Variants in THSD4 observed in about 807,000 individuals in gnomAD.
The protein encoded by THSD4 is thrombospondin type 1 domain containing 4, also known as thrombospondin type-1 domain-containing protein 4.
Under a neutral mutation model 119.0 loss-of-function variants are expected in THSD4, and 69 were observed. The ratio of observed to expected loss-of-function variants is 0.58; its 90% CI spans 0.48 to 0.71. The LOEUF (loss-of-function observed/expected upper bound fraction) is 0.71, where lower values mean the gene tolerates loss of function less well. Among genes scored for constraint, THSD4 ranks in the 30% least tolerant of loss-of-function variants. THSD4 has a pLI of 0.00. For synonymous variants in THSD4, 524 were observed against 540.4 expected, an observed-to-expected ratio of 0.97 and a Z score of 0.42; for missense variants, 1,393 against 1,391.1, an observed-to-expected ratio of 1.00 and a Z score of -0.02.
chr15:71,729,756 G>C (rs572325889), intron 9 of THSD4: 4 of 152,172 alleles, frequency 2.6e-5, no homozygotes, highest in Non-Finnish European at 4.4e-5. Flanking sequence ...TCATAAACGG[G>C]ACAAGGTTTT....
At position 71,777,324 on chromosome 15, in the gene THSD4, T is replaced by G. The variant is rs373778471; in HGVS notation, c.3007T>G (p.Ser1003Ala). The change falls in exon 18 of 18, where the codon TCC (serine) becomes GCC (alanine). Residue 1003 changes from serine to alanine, a missense_variant. Coordinates refer to ENST00000261862, the MANE Select transcript of THSD4 (RefSeq NM_024817.3). ...YNYYKTACCA[S>A]CTRVANRQTG... Reference sequence around the variant, plus strand: ...CTACTACAAGACCGCCTGCTGTGCCTCCTGCACCCGTGTGGCCAACAGGCA... The same window carrying G: ...CTACTACAAGACCGCCTGCTGTGCCGCCTGCACCCGTGTGGCCAACAGGCA... The G allele has an allele frequency of 3.1e-6, 5 of 1,614,108 alleles. No homozygotes were observed. Among genetic ancestry groups the G allele is most frequent in the Non-Finnish European group, 4.2e-6 (5 of 1,180,044 alleles).
chr15:71,380,628 T>C (rs543992131), intron 6 of THSD4, among the ~76,000 whole-genome samples: 1 of 152,202 alleles, frequency 6.6e-6, no homozygotes, highest in African/African-American at 2.4e-5. Context: ...AGTTCAATAA[T>C]AGCTGAGTCT....
At chr15:71,609,787 G>C (rs976140108) in intron 7 of THSD4, among the ~76,000 whole-genome samples, 1 of 148,836 alleles carries the variant, frequency 6.7e-6, no homozygotes, top group African/African-American at 2.5e-5. Context: ...AGGAGGCAGA[G>C]CTTGCAGTGA....
chr15:71,389,828 GAC>G (rs1491350275), intron 6 of THSD4, among the ~76,000 whole-genome samples: 1 of 8,866 alleles, frequency 1.1e-4, no homozygotes, highest in Admixed American at 8.8e-4. Flanking sequence ...TTTTTTTTTT[GAC>G]ACAGAGTCTC....
intron 6 of THSD4, among the ~76,000 whole-genome samples, chr15:71,350,186 T>G (rs964482760): frequency 1.4e-5 from 2 of 146,308 alleles, no homozygotes; most frequent in Non-Finnish European, 3.0e-5. Flanking sequence ...AAAAACAAGG[T>G]GGGATATATT....
At chr15:71,211,627 G>A (rs1195761502) in intron 3 of THSD4, among the ~76,000 whole-genome samples, 1 of 152,158 alleles carries the variant, frequency 6.6e-6, no homozygotes, top group Non-Finnish European at 1.5e-5. Flanking sequence ...ATATATGAAT[G>A]GTGGGGAGGG....
At chr15:71,588,526 T>C (rs930416027) in intron 7 of THSD4, among the ~76,000 whole-genome samples, 2 of 152,144 alleles carry the variant, frequency 1.3e-5, no homozygotes, top group Middle Eastern at 3.4e-3. Context: ...TAAGCTCAGG[T>C]GATCCTCCTG....
At chr15:71,373,687 A>G (rs935805086) in intron 6 of THSD4, among the ~76,000 whole-genome samples, 3 of 152,118 alleles carry the variant, frequency 2.0e-5, no homozygotes, top group African/African-American at 7.2e-5. Context: ...CTCCTGTCCA[A>G]ATTGCCTCTC....
At position 71,725,762 on chromosome 15, in the gene THSD4, T is replaced by C. The variant is rs904842257; in HGVS notation, c.1358-2787T>C. ...AGCCAGATTGGAGATGGTTGAGGAA[T>C]TAGTGGGAAGTGAGAAAATGGTAGA... On this transcript the variant is annotated intron_variant, in intron 8 of 17. Coordinates refer to ENST00000261862, the MANE Select transcript of THSD4 (RefSeq NM_024817.3). Among the ~76,000 whole-genome samples the C allele has an allele frequency of 2.0e-5, 3 of 152,202 alleles. No individual in the cohort carries two copies. In the South Asian group the frequency reaches 6.2e-4, roughly 32 times the overall value.
chr15:71,130,149 T>C (rs1413636155), intron 1 of THSD4, among the ~76,000 whole-genome samples: 1 of 152,130 alleles, frequency 6.6e-6, no homozygotes, highest in African/African-American at 2.4e-5. Flanking sequence ...CCTGAAAAGG[T>C]ACATTTGATG....
At chr15:71,423,698 T>C (rs1435880601) in intron 7 of THSD4, among the ~76,000 whole-genome samples, 1 of 152,168 alleles carries the variant, frequency 6.6e-6, no homozygotes. Flanking sequence ...CTCACTAGGT[T>C]TCGTGCCCCC....
At chr15:71,641,445 T>C (rs531121847) in intron 7 of THSD4, among the ~76,000 whole-genome samples, 204 of 152,138 alleles carry the variant, frequency 1.3e-3, no homozygotes, top group African/African-American at 4.6e-3. Flanking sequence ...CTGAGTCTCA[T>C]TGAACACTCA....
chr15:71,600,567 C>T (rs1204861371), intron 7 of THSD4, among the ~76,000 whole-genome samples: 1 of 152,166 alleles, frequency 6.6e-6, no homozygotes, highest in Non-Finnish European at 1.5e-5. Flanking sequence ...CAACCATTTT[C>T]AGTGACCCCC....
chr15:71,533,788 T>C (rs2048649641), intron 7 of THSD4, among the ~76,000 whole-genome samples: 1 of 152,208 alleles, frequency 6.6e-6, no homozygotes, highest in South Asian at 2.1e-4. Context: ...GAACTCAACC[T>C]GCCATTGCTA....
intron 1 of THSD4, among the ~76,000 whole-genome samples, chr15:71,129,001 A>G (rs902843124): frequency 1.3e-5 from 2 of 152,216 alleles, no homozygotes; most frequent in Admixed American, 1.3e-4. Flanking sequence ...AGGATGGAGA[A>G]GAAAGTACAT....
intron 3 of THSD4, among the ~76,000 whole-genome samples, chr15:71,194,773 C>T (rs1432870806): frequency 2.0e-5 from 3 of 152,206 alleles, no homozygotes; most frequent in Non-Finnish European, 2.9e-5. Context: ...AGTGCACATT[C>T]ACTTCGGTGG....
At chr15:71,396,839 G>GT (rs1385436940) in intron 6 of THSD4, among the ~76,000 whole-genome samples, 1 of 152,134 alleles carries the variant, frequency 6.6e-6, no homozygotes, top group Non-Finnish European at 1.5e-5. Context: ...GTTTTCAGTC[G>GT]TTTTTTCCTG....
At chr15:71,754,183 G>A (rs753031031) in intron 14 of THSD4, among the ~76,000 whole-genome samples, 28 of 150,360 alleles carry the variant, frequency 1.9e-4, no homozygotes, top group Non-Finnish European at 3.7e-4. Context: ...TCCACCTCCC[G>A]GGTTCAAGCG....
intron 6 of THSD4, among the ~76,000 whole-genome samples, chr15:71,305,883 C>T (rs79614107): frequency 6.6e-6 from 1 of 152,290 alleles, no homozygotes; most frequent in Non-Finnish European, 1.5e-5. Context: ...GAATCTCCAG[C>T]CTTCCAGATT....
Sources: gnomAD v4.1 joint callset for allele counts (sites outside exome capture counted in the v4.1 genomes callset) on GRCh38, gnomAD v4.1.1 for gene constraint, MANE v1.5 for transcripts, NCBI Gene and HGNC (gene_info 2026-07-23, HGNC 2026-07-21) for gene names.